The following CCDC7 variants were observed in gnomAD, a reference collection of about 807,000 sequenced individuals.
CCDC7 encodes the protein coiled-coil domain containing 7.
CCDC7 carries 183 observed loss-of-function variants against 196.9 expected under a neutral mutation model. The ratio of observed to expected loss-of-function variants is 0.93; its 90% CI spans 0.82 to 1.05. CCDC7 has a LOEUF of 1.05. Ranked by LOEUF, CCDC7 falls within the 50% of genes least tolerant of loss-of-function variation. The pLI, the probability that CCDC7 is intolerant of heterozygous loss-of-function variation, is 0.00. For missense variants in CCDC7, 1,540 were observed against 1,482.2 expected, an observed-to-expected ratio of 1.04 and a Z score of -0.64; for synonymous variants, 525 against 484.6, an observed-to-expected ratio of 1.08 and a Z score of -1.10.
intron 28 of CCDC7, among the ~76,000 whole-genome samples, chr10:32,766,947 T>C (rs375732773): frequency 3.9e-4 from 60 of 152,124 alleles, no homozygotes; most frequent in African/African-American, 1.4e-3. Context: ...TGGTGCTTTT[T>C]CCATATTGTT....
intron 18 of CCDC7, among the ~76,000 whole-genome samples, chr10:32,625,816 A>G (rs771768593): frequency 7.9e-6 from 1 of 126,612 alleles, no homozygotes; most frequent in Admixed American, 7.9e-5. Context: ...AAGTGAAAAC[A>G]TGTGGTATTT....
chr10:32,528,416 C>T (rs1363479509), intron 11 of CCDC7, among the ~76,000 whole-genome samples: 2 of 144,648 alleles, frequency 1.4e-5, no homozygotes, highest in African/African-American at 5.1e-5. Flanking sequence ...CTTATCCTTT[C>T]CCCCGAGTCC....
chr10:32,642,251 G>C (rs905074553), intron 20 of CCDC7, among the ~76,000 whole-genome samples: 3 of 152,230 alleles, frequency 2.0e-5, no homozygotes, highest in African/African-American at 7.2e-5. Context: ...CCCAGAGGTG[G>C]AGTCTACAGA....
intron 33 of CCDC7, among the ~76,000 whole-genome samples, chr10:32,839,231 G>C (rs11498294): frequency 0.11 from 15,943 of 151,762 alleles, 1,030 homozygotes; most frequent in South Asian, 0.25. Context: ...CTGCAGAATA[G>C]ATAAGAAAAA....
downstream of CCDC7, among the ~76,000 whole-genome samples, chr10:32,878,224 C>T (rs925889904): frequency 1.3e-5 from 2 of 151,958 alleles, no homozygotes; most frequent in Non-Finnish European, 2.9e-5. Flanking sequence ...ATTTTACATA[C>T]ATTTGATTAG....
At chr10:32,665,502 G>A (rs1366062205) in intron 21 of CCDC7, among the ~76,000 whole-genome samples, 2 of 151,844 alleles carry the variant, frequency 1.3e-5, no homozygotes, top group East Asian at 1.9e-4. Context: ...GTGAGATGAA[G>A]GTATAATTTT....
At chr10:32,755,468 T>C (rs2076276452) in intron 28 of CCDC7, among the ~76,000 whole-genome samples, 1 of 152,146 alleles carries the variant, frequency 6.6e-6, no homozygotes, top group Non-Finnish European at 1.5e-5. Context: ...CAGCCTCTGC[T>C]GGTGATACCC....
At chr10:32,813,139 T>C (rs759688112) in intron 30 of CCDC7, among the ~76,000 whole-genome samples, 32 of 152,240 alleles carry the variant, frequency 2.1e-4, no homozygotes, top group African/African-American at 7.0e-4. Flanking sequence ...TACAATACAA[T>C]GGAAGGATTA....
chr10:32,718,120 T>G (rs1470853891), intron 25 of CCDC7, among the ~76,000 whole-genome samples: 2 of 152,084 alleles, frequency 1.3e-5, no homozygotes, highest in African/African-American at 4.8e-5. Flanking sequence ...TGAACATCGA[T>G]GCGAAAATTT....
intron 5 of CCDC7, among the ~76,000 whole-genome samples, chr10:32,468,904 T>C (rs1168345355): frequency 6.6e-6 from 1 of 152,230 alleles, no homozygotes; most frequent in Admixed American, 6.5e-5. Flanking sequence ...TTGCATTACA[T>C]GTTGCATTAA....
chr10:32,487,887 C>T (rs577186660), intron 8 of CCDC7, among the ~76,000 whole-genome samples: 18 of 152,332 alleles, frequency 1.2e-4, no homozygotes, highest in African/African-American at 4.3e-4. Context: ...AAGTGTCAGT[C>T]TGCCCTTTCT....
intron 14 of CCDC7, among the ~76,000 whole-genome samples, chr10:32,565,960 C>T (rs1344498350): frequency 1.3e-5 from 2 of 152,132 alleles, no homozygotes; most frequent in Non-Finnish European, 2.9e-5. Flanking sequence ...AGGTAAAATA[C>T]TGCAGGCATT....
chr10:32,502,041 C>T (rs2044143376), intron 9 of CCDC7, among the ~76,000 whole-genome samples: 1 of 152,178 alleles, frequency 6.6e-6, no homozygotes, highest in African/African-American at 2.4e-5. Context: ...GGTAAAACCA[C>T]CTACTCAAGC....
intron 13 of CCDC7, among the ~76,000 whole-genome samples, chr10:32,548,006 C>G (rs1371432122): frequency 2.0e-5 from 3 of 152,196 alleles, no homozygotes; most frequent in Non-Finnish European, 4.4e-5. Flanking sequence ...TGCATCCTCA[C>G]AGCTTACCTC....
At chr10:32,592,949 T>C (rs1363324379) in intron 18 of CCDC7, among the ~76,000 whole-genome samples, 1 of 150,770 alleles carries the variant, frequency 6.6e-6, no homozygotes, top group Non-Finnish European at 1.5e-5. Context: ...CAGTCTGTCA[T>C]TGATGGACAT....
rs544726561 is a variant in CCDC7 at position 32,495,234 on chromosome 10, GTTGT to G, written c.872+3244_872+3247del. ...TATTCTTCACCCACTTTTTGATGGGGTTGTTTGTTTTTTTCTTGTAAATTTGTTT... is the reference window on the plus strand; with the variant it reads ...TATTCTTCACCCACTTTTTGATGGGGTTGTTTTTTTCTTGTAAATTTGTTT... On this transcript the variant is annotated intron_variant, in intron 9 of 41. Coordinates refer to ENST00000639629, the Ensembl canonical transcript of CCDC7. Among the ~76,000 whole-genome samples the G allele has an allele frequency of 5.8e-3, 881 of 152,240 alleles. 13 individuals are homozygous for G. Among genetic ancestry groups the G allele is most frequent in the African/African-American group, 0.02 (842 of 41,542 alleles).
intron 28 of CCDC7, among the ~76,000 whole-genome samples, chr10:32,731,638 A>G (rs949496970): frequency 1.3e-5 from 2 of 152,232 alleles, no homozygotes; most frequent in Non-Finnish European, 2.9e-5. Flanking sequence ...GTGCCTCCAC[A>G]TACTTTCAGG....
intron 20 of CCDC7, among the ~76,000 whole-genome samples, chr10:32,640,168 G>A (rs2066464690): frequency 6.6e-6 from 1 of 151,996 alleles, no homozygotes. Flanking sequence ...ATTATTTTGT[G>A]GGAGTCTAAG....
chr10:32,674,881 C>A (rs1486222008), intron 21 of CCDC7, among the ~76,000 whole-genome samples: 1 of 151,808 alleles, frequency 6.6e-6, no homozygotes, highest in Non-Finnish European at 1.5e-5. Flanking sequence ...TCTTAGTTAT[C>A]TAAGTACAGC....
Sources: gnomAD v4.1 joint callset for allele counts (sites outside exome capture counted in the v4.1 genomes callset) on GRCh38, gnomAD v4.1.1 for gene constraint, MANE v1.5 for transcripts, NCBI Gene and HGNC (gene_info 2026-07-23, HGNC 2026-07-21) for gene names.